Variants in FBLN2 observed in about 807,000 individuals in gnomAD.
FBLN2 encodes fibulin-2.
In FBLN2, 81 loss-of-function variants were observed where a neutral mutation model predicts 123.7. The observed-to-expected ratio is 0.65, with a 90% CI of 0.55 to 0.79. The LOEUF (loss-of-function observed/expected upper bound fraction) is 0.79. Ranked by LOEUF, FBLN2 falls within the 30% of genes least tolerant of loss-of-function variation. The pLI is 0.00. For synonymous variants in FBLN2, 699 were observed against 701.4 expected (o/e 1.00, Z 0.05); for missense variants, 1,603 against 1,681.3 (o/e 0.95, Z 0.81).
chr3:13,624,225 T>C (rs536747011), intron 9 of FBLN2, among the ~76,000 whole-genome samples: 2 of 152,322 alleles, frequency 1.3e-5, no homozygotes, highest in Admixed American at 6.5e-5. Context: ...GTGACTCTGG[T>C]CCAGTCACAG....
chr3:13,626,253 C>T (rs886950613), intron 9 of FBLN2, among the ~76,000 whole-genome samples, 192 bp from the exon 10 acceptor site: 1 of 152,232 alleles, frequency 6.6e-6, no homozygotes, highest in Non-Finnish European at 1.5e-5. Context: ...TGGTGCATAG[C>T]AGGTGCTCAA....
chr3:13,574,864 C>T (rs759842212), intron 2 of FBLN2, among the ~76,000 whole-genome samples: 60 of 152,204 alleles, frequency 3.9e-4, no homozygotes, highest in Non-Finnish European at 7.9e-4. Context: ...ATCCCCCACC[C>T]GCTGGGCTTC....
chr3:13,582,635 C>A (rs866443478), intron 2 of FBLN2, among the ~76,000 whole-genome samples: 1 of 152,122 alleles, frequency 6.6e-6, no homozygotes, highest in Non-Finnish European at 1.5e-5. Flanking sequence ...CTCTGCCGCT[C>A]GTGGCTGTGT....
chr3:13,573,391 G>C (rs925986762), intron 2 of FBLN2, among the ~76,000 whole-genome samples: 12 of 151,956 alleles, frequency 7.9e-5, no homozygotes, highest in African/African-American at 2.9e-4. Flanking sequence ...AGCCTTCCCT[G>C]ACCCCCAGGA....
At chr3:13,566,870 G>A (rs1574946899) in intron 1 of FBLN2, among the ~76,000 whole-genome samples, 1 of 152,230 alleles carries the variant, frequency 6.6e-6, no homozygotes, top group East Asian at 1.9e-4. Flanking sequence ...AGCACTTATG[G>A]GCCAGATAAT....
chr3:13,595,704 C>T (rs559321809), intron 2 of FBLN2, among the ~76,000 whole-genome samples: 2 of 152,160 alleles, frequency 1.3e-5, no homozygotes, highest in Non-Finnish European at 2.9e-5. Flanking sequence ...TTTTCAAAGC[C>T]GGAATTCTTT....
intron 1 of FBLN2, among the ~76,000 whole-genome samples, chr3:13,553,803 C>G (rs755890197): frequency 6.6e-6 from 1 of 152,232 alleles, no homozygotes; most frequent in Non-Finnish European, 1.5e-5. Flanking sequence ...CCACCTGTGC[C>G]GGGCCAGGGA....
rs766167500 is a variant in FBLN2, at chr3:13,627,957, G to A, written c.2557G>A (p.Gly853Ser). ...GGATGGCTTCCTGCAGGATCCTGAA[G>A]GCAACTGTGTGGGTGAGCGGGGGCT... Reference protein sequence around the residue: ...CMDGFLQDPEGNCVDINECTS... With the variant: ...CMDGFLQDPESNCVDINECTS... Residue 853 changes from glycine to serine, a missense_variant, in exon 11 of 18, where the codon GGC (glycine) becomes AGC (serine). Coordinates refer to ENST00000404922, the MANE Select transcript of FBLN2 (RefSeq NM_001004019.2). 2 of 1,613,596 alleles carry A rather than the reference G, an allele frequency of 1.2e-6. No homozygotes were observed. Among genetic ancestry groups the A allele is most frequent in the Admixed American group, 1.7e-5 (1 of 59,976 alleles).
chr3:13,572,922 G>T (rs1036176245), intron 2 of FBLN2, among the ~76,000 whole-genome samples: 1 of 152,158 alleles, frequency 6.6e-6, no homozygotes, highest in African/African-American at 2.4e-5. Flanking sequence ...GGGGACCTGG[G>T]GTGATGCTCC....
At chr3:13,595,919 C>T (rs1704826933) in intron 2 of FBLN2, among the ~76,000 whole-genome samples, 1 of 152,114 alleles carries the variant, frequency 6.6e-6, no homozygotes, top group South Asian at 2.1e-4. Context: ...CTGAGTCCTT[C>T]CCCAAGATAG....
intron 2 of FBLN2, among the ~76,000 whole-genome samples, chr3:13,595,616 T>C (rs2350310): frequency 0.23 from 35,694 of 151,956 alleles, 5,654 homozygotes; most frequent in African/African-American, 0.44. Flanking sequence ...GCCCCACAAA[T>C]ATCCTGTCCA....
At chr3:13,621,109 G>A (rs563006583) in intron 8 of FBLN2, among the ~76,000 whole-genome samples, 5 of 152,268 alleles carry the variant, frequency 3.3e-5, no homozygotes, top group South Asian at 2.1e-4. Flanking sequence ...CCATGTCTGC[G>A]CATCCCCAGG....
intron 2 of FBLN2, among the ~76,000 whole-genome samples, chr3:13,593,325 T>C (rs920662177): frequency 1.2e-4 from 18 of 152,108 alleles, no homozygotes; most frequent in Non-Finnish European, 2.6e-4. Flanking sequence ...CATAAGGAAA[T>C]GTTTTCAAGT....
In FBLN2 at chr3:13,618,292, G is replaced by A. The variant is rs778845673; in HGVS notation, c.1939+7G>A. ...GGCCGCACTTGCCGCCCAGGTAAGG[G>A]CCCTGATGGCCAGGGCAGGGGCTAT... is the stretch of plus-strand genomic sequence containing the variant. On this transcript the variant is annotated splice_region_variant and intron_variant, in intron 6 of 17. Transcript: ENST00000404922. 1.9e-5 allele frequency: 31 copies of A among 1,613,442 alleles called. No individual in the cohort carries two copies. The highest frequency in any genetic ancestry group is 3.3e-5 in the Admixed American group (2 of 60,010).
chr3:13,552,749 C>T (rs1481643910), intron 1 of FBLN2, among the ~76,000 whole-genome samples: 1 of 152,006 alleles, frequency 6.6e-6, no homozygotes, highest in Non-Finnish European at 1.5e-5. Context: ...GAGGGGCTCC[C>T]TGGAGTTGGC....
At chr3:13,567,118 T>TG (rs1012416544) in intron 1 of FBLN2, among the ~76,000 whole-genome samples, 93 of 124,064 alleles carry the variant, frequency 7.5e-4, no homozygotes, top group Non-Finnish European at 1.3e-3. Flanking sequence ...GCTGGGGGCC[T>TG]GGGGGGCCAA....
intron 12 of FBLN2, 32 bp from the exon 13 acceptor site, chr3:13,629,132 A>G (rs1228134271): frequency 8.7e-6 from 14 of 1,612,678 alleles, no homozygotes; most frequent in Non-Finnish European, 1.1e-5. Context: ...AGGGAGCCCC[A>G]GGCCTCAAGG....
At chr3:13,567,506 C>T (rs770312391) in intron 1 of FBLN2, among the ~76,000 whole-genome samples, 7 of 152,294 alleles carry the variant, frequency 4.6e-5, no homozygotes, top group East Asian at 1.9e-4. Flanking sequence ...TACAGGCACA[C>T]GCCATCATGC....
chr3:13,619,500 G>A (rs1233577654), intron 7 of FBLN2, among the ~76,000 whole-genome samples: 1 of 152,202 alleles, frequency 6.6e-6, no homozygotes, highest in Non-Finnish European at 1.5e-5. Context: ...GAGTGGTGGG[G>A]GAGGTAGACC....
Sources: gnomAD v4.1 joint callset for allele counts (sites outside exome capture counted in the v4.1 genomes callset) on GRCh38, gnomAD v4.1.1 for gene constraint, MANE v1.5 for transcripts, NCBI Gene and HGNC (gene_info 2026-07-23, HGNC 2026-07-21) for gene names.